Variants in BRCA1 observed in about 807,000 individuals in gnomAD.
BRCA1 encodes the protein BRCA1 DNA repair associated, also known as breast cancer type 1 susceptibility protein.
BRCA1 carries 140 observed loss-of-function variants against 173.7 expected under a neutral mutation model. The ratio of observed to expected loss-of-function variants is 0.81; its 90% CI spans 0.70 to 0.93. The LOEUF (loss-of-function observed/expected upper bound fraction) is 0.93, where lower values mean the gene tolerates loss of function less well. BRCA1 is among the 40% of genes least tolerant of loss of function. The pLI, the probability that BRCA1 is intolerant of heterozygous loss-of-function variation, is 0.00. For missense variants in BRCA1, 1,983 were observed against 2,172.5 expected (o/e 0.91, Z 1.73); for synonymous variants, 662 against 756.0 (o/e 0.88, Z 2.04).
At chr17:43,136,016 G>A (rs765409272) in intron 1 of BRCA1, among the ~76,000 whole-genome samples, 2 of 152,204 alleles carry the variant, frequency 1.3e-5, no homozygotes, top group East Asian at 1.9e-4. Context: ...AGGCTTCGCC[G>A]GGCGCAGGGC....
chr17:43,088,867 C>T (rs1399578990), intron 11 of BRCA1, among the ~76,000 whole-genome samples: 1 of 152,174 alleles, frequency 6.6e-6, no homozygotes, highest in African/African-American at 2.4e-5. Flanking sequence ...TGTGTGTATT[C>T]TGCATAGAAC....
At chr17:43,072,754 G>A (rs1443907965) in intron 14 of BRCA1, among the ~76,000 whole-genome samples, 1 of 151,916 alleles carries the variant, frequency 6.6e-6, no homozygotes, top group African/African-American at 2.4e-5. Flanking sequence ...AGTAGAGACA[G>A]GGTTTCTCCA....
intron 12 of BRCA1, among the ~76,000 whole-genome samples, chr17:43,077,954 C>T (rs569721756): frequency 2.6e-5 from 4 of 151,746 alleles, no homozygotes; most frequent in Admixed American, 1.3e-4. Context: ...ACGCTGGTCT[C>T]GAACTCCCGA....
At chr17:43,076,021 AAACG>A (rs1337351303) in intron 13 of BRCA1, among the ~76,000 whole-genome samples, 2 of 151,870 alleles carry the variant, frequency 1.3e-5, no homozygotes, top group Non-Finnish European at 2.9e-5. Context: ...TGAGCCTGAA[AAACG>A]GAGGATGCAG....
intron 1 of BRCA1, chr17:43,160,088 C>G (rs2056225737): frequency 6.6e-6 from 1 of 150,678 alleles, no homozygotes; most frequent in Non-Finnish European, 1.5e-5. Flanking sequence ...GTTGCCCAGG[C>G]TGGAGTGCAG....
chr17:43,053,552 CT>C (rs1184823398), intron 19 of BRCA1, among the ~76,000 whole-genome samples: 1 of 151,892 alleles, frequency 6.6e-6, no homozygotes, highest in Non-Finnish European at 1.5e-5. Context: ...GTCCCAGCTA[CT>C]TGGGAGGCTG....
intron 6 of BRCA1, among the ~76,000 whole-genome samples, chr17:43,102,357 C>CTTTTTTTTT (rs35584960): frequency 0.011 from 1,030 of 93,136 alleles, 77 homozygotes; most frequent in South Asian, 0.017. Flanking sequence ...AGGCGTGAAG[C>CTTTTTTTTT]TTTTTTTTTT....
intron 1 of BRCA1, among the ~76,000 whole-genome samples, chr17:43,145,643 A>C (rs532150638): frequency 1.5e-4 from 23 of 152,242 alleles, no homozygotes; most frequent in Non-Finnish European, 2.6e-4. Flanking sequence ...GAATATTTTT[A>C]TCAACTATTT....
intron 1 of BRCA1, among the ~76,000 whole-genome samples, chr17:43,142,259 C>T (rs9897853): frequency 0.13 from 20,506 of 152,120 alleles, 4,378 homozygotes; most frequent in African/African-American, 0.45. Context: ...CAACACTCAC[C>T]CCTATTACAG....
chr17:43,056,961 T>G, intron 19 of BRCA1, 91 bp downstream of exon 19: 1 of 1,204,682 alleles, frequency 8.3e-7, no homozygotes, highest in Non-Finnish European at 1.2e-6. Context: ...GTAATAAGTC[T>G]TACAAAATGA....
At position 43,092,430 on chromosome 17, in the gene BRCA1, T is replaced by G; in HGVS notation, c.3101A>C (p.Asn1034Thr). The change falls in exon 10 of 23, where the codon AAT becomes ACT. Residue 1034 changes from asparagine (N) to threonine (T), a missense_variant. Physicochemically the swap from Asn to Thr is moderately conservative, Grantham distance 65 (BLOSUM62 0). Transcript: ENST00000357654. Reference protein sequence around the residue: ...STISRNNIRENVFKEASSSNI... With the variant: ...STISRNNIRETVFKEASSSNI... The stretch of plus-strand genomic sequence containing the variant: ...GCTTGAGCTGGCTTCTTTAAAAACA[T>G]TTTCTCTAATGTTATTACGGCTAAT... The G allele has an allele frequency of 6.2e-7, 1 of 1,613,992 alleles. No homozygotes were observed. The highest frequency in any genetic ancestry group is 8.5e-7 in the Non-Finnish European group (1 of 1,179,996).
intron 12 of BRCA1, among the ~76,000 whole-genome samples, chr17:43,080,425 G>A (rs1012946884): frequency 6.6e-6 from 1 of 152,094 alleles, no homozygotes; most frequent in Non-Finnish European, 1.5e-5. Flanking sequence ...TCGAGCTCCC[G>A]ACCTCAGGTG....
At chr17:43,104,340 C>A in intron 5 of BRCA1, 79 bp from the exon 6 acceptor site, 1 of 1,435,166 alleles carries the variant, frequency 7.0e-7, no homozygotes, top group Non-Finnish European at 9.7e-7. Context: ...CCAAGAGAAA[C>A]CCTATGTATG....
At position 43,076,545 on chromosome 17, in the gene BRCA1, T is replaced by G. The variant is rs750437234; in HGVS notation, c.4427A>C (p.Lys1476Thr). The G allele has an allele frequency of 6.2e-7, 1 of 1,613,506 alleles. No individual in the cohort carries two copies. Among genetic ancestry groups the G allele is most frequent in the Non-Finnish European group, 8.5e-7 (1 of 1,179,670 alleles). ...AGAACTATCTGCAGACACCTCAAAC[T>G]TGTCAGCAGAAAGGCCTTCTGGATT... is the stretch of plus-strand genomic sequence containing the variant. ...SQNPEGLSAD[K>T]FEVSADSSTS... is the part of the protein sequence containing the mutation. The change falls in exon 13 of 23, where the codon AAG becomes ACG. Residue 1476 changes from lysine to threonine, a missense_variant. Coordinates refer to ENST00000357654, the MANE Select transcript of BRCA1 (RefSeq NM_007294.4).
At chr17:43,051,190 C>T in intron 19 of BRCA1, 73 bp from the exon 20 acceptor site, 1 of 1,406,172 alleles carries the variant, frequency 7.1e-7, no homozygotes, top group Non-Finnish European at 1.0e-6. Flanking sequence ...AGAATATTGG[C>T]TTTTATTCAA....
intron 22 of BRCA1, among the ~76,000 whole-genome samples, chr17:43,047,394 C>T (rs992638692): frequency 6.6e-6 from 1 of 152,060 alleles, no homozygotes; most frequent in African/African-American, 2.4e-5. Flanking sequence ...AGCCACCATG[C>T]CCGGCCTTGA....
chr17:43,082,877 T>C, intron 11 of BRCA1: 1 of 402,660 alleles, frequency 2.5e-6, no homozygotes, highest in East Asian at 4.9e-5. Context: ...GAAAAAATAA[T>C]TAAGGCATTT....
At chr17:43,116,643 C>T (rs1178611789) in intron 2 of BRCA1, among the ~76,000 whole-genome samples, 1 of 152,222 alleles carries the variant, frequency 6.6e-6, no homozygotes, top group Non-Finnish European at 1.5e-5. Context: ...CTCAGCCTCC[C>T]AGGTAGTTGG....
rs749668287 is a variant in BRCA1 at position 43,063,436 on chromosome 17, TAGAG to T, written c.5153-67_5153-64del. On this transcript the variant is annotated intron_variant, in intron 17 of 22. Coordinates refer to ENST00000357654, the MANE Select transcript of BRCA1 (RefSeq NM_007294.4). ...GAAGAACGTGCTCTTTTCACGGAGA[TAGAG>T]AGGTCAGCGATTCACAAAAGAGCAC... 2 of 1,380,668 alleles carry T rather than the reference TAGAG, an allele frequency of 1.4e-6. No homozygotes were observed. Among genetic ancestry groups the T allele is most frequent in the South Asian group, 2.3e-5 (2 of 85,906 alleles). 85.5% of individuals were successfully genotyped at this position (1,380,668 alleles called of 1,614,324 possible). A position where few individuals can be genotyped will look rare whatever the true frequency, so the allele number is the denominator to read the frequency against.
Sources: gnomAD v4.1 joint callset for allele counts (sites outside exome capture counted in the v4.1 genomes callset) on GRCh38, gnomAD v4.1.1 for gene constraint, MANE v1.5 for transcripts, NCBI Gene and HGNC (gene_info 2026-07-23, HGNC 2026-07-21) for gene names.